Variants in CCDC171 observed in about 807,000 individuals in gnomAD.
CCDC171 encodes coiled-coil domain-containing protein 171.
In CCDC171, 177 loss-of-function variants were observed where a neutral mutation model predicts 168.2. The ratio of observed to expected loss-of-function variants is 1.05; its 90% CI spans 0.93 to 1.19. The LOEUF (loss-of-function observed/expected upper bound fraction) is 1.19, where lower values mean the gene tolerates loss of function less well. CCDC171 is among the 50% of genes most tolerant of loss of function. The probability of loss-of-function intolerance (pLI) is 0.00; values close to 1 mark genes in which losing one functional copy is unlikely to be tolerated. For synonymous variants in CCDC171, 687 were observed against 540.8 expected, an observed-to-expected ratio of 1.27 and a Z score of -3.75; for missense variants, 1,991 against 1,539.0, an observed-to-expected ratio of 1.29 and a Z score of -4.91.
At chr9:16,053,212 C>T (rs1194639834) in intron 1 of CCDC171, among the ~76,000 whole-genome samples, 1 of 152,252 alleles carries the variant, frequency 6.6e-6, no homozygotes, top group Admixed American at 6.5e-5. Flanking sequence ...GAACTTGAAA[C>T]CTGCAGTGCT....
At chr9:15,727,660 C>T (rs75789111) in intron 14 of CCDC171, among the ~76,000 whole-genome samples, 4,058 of 152,076 alleles carry the variant, frequency 0.027, 209 homozygotes, top group African/African-American at 0.093. Flanking sequence ...CTTCAGATTT[C>T]GATTTTGAAT....
chr9:16,029,574 A>G (rs1833334265), intron 6 of CCDC171, among the ~76,000 whole-genome samples: 2 of 152,234 alleles, frequency 1.3e-5, no homozygotes, highest in Admixed American at 6.5e-5. Flanking sequence ...AGGCCTGCCT[A>G]TGTTGGTAGA....
intron 6 of CCDC171, among the ~76,000 whole-genome samples, chr9:15,602,647 CTTTTTTTTTTTTTTTT>C (rs1161286304): frequency 3.3e-5 from 1 of 30,468 alleles, no homozygotes; most frequent in African/African-American, 1.2e-4. Context: ...TTTTTTTTTT[CTTTTTTTTTTTTTTTT>C]TTTTTTTTTT....
chr9:15,623,458 C>A lies in CCDC171; in HGVS notation c.822+45C>A, dbSNP rs765143085. On this transcript the variant is annotated intron_variant, in intron 7 of 25. Coordinates refer to ENST00000380701, the MANE Select transcript of CCDC171 (RefSeq NM_173550.4). The stretch of plus-strand genomic sequence containing the variant: ...TATAATATATATGCGTACAAACTTT[C>A]ACATATGCGCGCGCGCGCACACACA... The A allele has an allele frequency of 2.8e-5, 36 of 1,297,986 alleles. 3 individuals carry two copies. In the South Asian group the frequency reaches 4.4e-4, roughly 16 times the overall value. 80.4% of individuals were successfully genotyped at this position (1,297,986 alleles called of 1,614,324 possible).
intron 18 of CCDC171, chr9:15,776,100 T>C (rs1292644984): frequency 6.6e-6 from 1 of 152,192 alleles, no homozygotes; most frequent in Non-Finnish European, 1.5e-5. Context: ...TGTTATATAT[T>C]GATTGCCATA....
At chr9:15,950,594 G>T (rs1308057709) in intron 25 of CCDC171, among the ~76,000 whole-genome samples, 2 of 151,896 alleles carry the variant, frequency 1.3e-5, no homozygotes, top group East Asian at 3.9e-4. Flanking sequence ...GTCACCACCA[G>T]ACCTGCCCTA....
At chr9:16,080,653 C>T in the CCDC171 span, among the ~76,000 whole-genome samples, 2 of 152,110 alleles carry the variant, frequency 1.3e-5, no homozygotes, top group African/African-American at 2.4e-5. Context: ...GAAGTGTTCT[C>T]CAGCCTGGGA....
the CCDC171 span, among the ~76,000 whole-genome samples, chr9:16,093,303 G>A: frequency 6.6e-6 from 1 of 152,158 alleles, no homozygotes; most frequent in African/African-American, 2.4e-5. Flanking sequence ...AGTCCTCTGT[G>A]GTGGGCCAAC....
chr9:16,075,955 T>C, the CCDC171 span, among the ~76,000 whole-genome samples: 10 of 152,322 alleles, frequency 6.6e-5, no homozygotes, highest in Middle Eastern at 3.4e-3. Context: ...TTATGAAACT[T>C]TCATGTATAT....
intron 1 of CCDC171, among the ~76,000 whole-genome samples, chr9:15,553,824 G>C (rs1236353061): frequency 6.6e-6 from 1 of 151,146 alleles, no homozygotes; most frequent in Non-Finnish European, 1.5e-5. Flanking sequence ...CAGAAATGGA[G>C]CCGACTTTTT....
intron 7 of CCDC171, among the ~76,000 whole-genome samples, chr9:15,629,404 A>G (rs2045479653): frequency 6.6e-6 from 1 of 152,246 alleles, no homozygotes; most frequent in South Asian, 2.1e-4. Context: ...AGCCGATGCT[A>G]TCAACTGGAA....
intron 21 of CCDC171, among the ~76,000 whole-genome samples, chr9:15,792,458 A>G (rs975081456): frequency 1.1e-4 from 16 of 152,182 alleles, no homozygotes; most frequent in African/African-American, 3.4e-4. Context: ...ATTCAAATTC[A>G]GGAAATACAG....
chr9:15,886,677 T>C (rs1023871779), intron 24 of CCDC171: 5 of 152,006 alleles, frequency 3.3e-5, no homozygotes, highest in African/African-American at 1.2e-4. Context: ...ATGTTCATTG[T>C]AGCATTATTC....
chr9:15,766,835 G>T (rs757735404), intron 18 of CCDC171, among the ~76,000 whole-genome samples: 2 of 151,872 alleles, frequency 1.3e-5, no homozygotes, highest in Admixed American at 6.6e-5. Context: ...TCTAAGGTTT[G>T]TTTTTTGTAG....
chr9:15,815,225 C>T (rs572006804), intron 21 of CCDC171, among the ~76,000 whole-genome samples: 4 of 152,228 alleles, frequency 2.6e-5, no homozygotes, highest in East Asian at 3.9e-4. Context: ...CTCTTCCTAG[C>T]CGCCCGTATC....
intron 7 of CCDC171, among the ~76,000 whole-genome samples, chr9:15,651,037 T>C (rs2047473111): frequency 6.6e-6 from 1 of 152,146 alleles, no homozygotes; most frequent in South Asian, 2.1e-4. Flanking sequence ...CAGCCTCTGA[T>C]AACTATCCTA....
At chr9:15,778,308 C>T (rs1216724063) in intron 19 of CCDC171, among the ~76,000 whole-genome samples, 4 of 72,734 alleles carry the variant, frequency 5.5e-5, no homozygotes, top group African/African-American at 1.8e-4. Context: ...AGCGAGACTC[C>T]GTCTCAAAAA....
Position 15,954,669 on chromosome 9 carries a change from A to AT in CCDC171, c.3754-16930dup, listed in dbSNP as rs34479869. Among the ~76,000 whole-genome samples the AT allele has an allele frequency of 1.6e-3, 234 of 146,558 alleles. 2 individuals carry two copies. Among genetic ancestry groups the AT allele is most frequent in the African/African-American group, 5.2e-3 (206 of 39,800 alleles). On this transcript the variant is annotated intron_variant, in intron 25 of 25. Coordinates refer to ENST00000380701, the MANE Select transcript of CCDC171 (RefSeq NM_173550.4). The stretch of plus-strand genomic sequence containing the variant: ...TGTGGTCCTGTTTTCATGCTTGTTG[A>AT]TTTTTTTTTTGCCTGCTCATATTTG...
chr9:15,994,508 A>T (rs1832308148), intron 3 of CCDC171, among the ~76,000 whole-genome samples: 1 of 152,200 alleles, frequency 6.6e-6, no homozygotes, highest in East Asian at 1.9e-4. Flanking sequence ...TGGGTGCAAC[A>T]TGCCAACATG....
Sources: gnomAD v4.1 joint callset for allele counts (sites outside exome capture counted in the v4.1 genomes callset) on GRCh38, gnomAD v4.1.1 for gene constraint, MANE v1.5 for transcripts, NCBI Gene and HGNC (gene_info 2026-07-23, HGNC 2026-07-21) for gene names.